Variants in DOCK10 observed in about 807,000 individuals in gnomAD.
The protein encoded by DOCK10 is dedicator of cytokinesis protein 10.
In DOCK10, 145 loss-of-function variants were observed where a neutral mutation model predicts 280.1. The ratio of observed to expected loss-of-function variants is 0.52; its 90% CI spans 0.45 to 0.59. The LOEUF (loss-of-function observed/expected upper bound fraction) is 0.59. Ranked by LOEUF, DOCK10 falls within the 20% of genes least tolerant of loss-of-function variation. The pLI is 0.00. For missense variants in DOCK10, 2,368 were observed against 2,651.7 expected (o/e 0.89, Z 2.35); for synonymous variants, 915 against 942.2 (o/e 0.97, Z 0.53).
intron 1 of DOCK10, among the ~76,000 whole-genome samples, chr2:224,933,560 T>A (rs1202814257): frequency 6.6e-6 from 1 of 152,174 alleles, no homozygotes; most frequent in African/African-American, 2.4e-5. Flanking sequence ...CTATTGAGTG[T>A]GTAGGTATCA....
At chr2:224,771,446 C>T (rs1313971600) in intron 53 of DOCK10, among the ~76,000 whole-genome samples, 1 of 152,248 alleles carries the variant, frequency 6.6e-6, no homozygotes, top group Non-Finnish European at 1.5e-5. Flanking sequence ...CAGTGTTTCA[C>T]TGGGTTCCAT....
chr2:224,796,537 A>G, intron 43 of DOCK10, 111 bp from the exon 44 acceptor site: 1 of 666,596 alleles, frequency 1.5e-6, no homozygotes, highest in Non-Finnish European at 2.6e-6. Flanking sequence ...AGGTCCAATA[A>G]AAGAAGTGTT....
At chr2:224,900,874 G>C (rs1355003526) in intron 3 of DOCK10, among the ~76,000 whole-genome samples, 1 of 152,158 alleles carries the variant, frequency 6.6e-6, no homozygotes, top group Non-Finnish European at 1.5e-5. Context: ...TAAAAATGAA[G>C]TATTTGAGAA....
At chr2:225,026,795 T>C (rs1013683925) in intron 1 of DOCK10, among the ~76,000 whole-genome samples, 1 of 152,116 alleles carries the variant, frequency 6.6e-6, no homozygotes, top group Admixed American at 6.5e-5. Context: ...GGTCTAAGAT[T>C]AGATCCCTTG....
intron 30 of DOCK10, among the ~76,000 whole-genome samples, chr2:224,814,692 T>G (rs1318698495): frequency 1.3e-5 from 2 of 152,186 alleles, no homozygotes; most frequent in East Asian, 1.9e-4. Flanking sequence ...TGGCTGATTT[T>G]TGTATTTTTA....
Position 224,864,964 on chromosome 2 carries a change from C to A in DOCK10, c.1381G>T (p.Ala461Ser). 1 of 1,613,902 alleles carries A rather than the reference C, an allele frequency of 6.2e-7. No homozygotes were observed. The highest frequency in any genetic ancestry group is 8.5e-7 in the Non-Finnish European group (1 of 1,179,852). ...VRQMLLGASV[A>S]LENGNIDTIT... ...GTGTCGATGTTGCCATTTTCCAAAG[C>A]CACAGAAGCCCCCAAGAGCATCTGT... is the stretch of plus-strand genomic sequence containing the variant. Residue 461 changes from alanine (A) to serine (S), a missense_variant, in exon 12 of 56, where the codon GCT (alanine) becomes TCT (serine). This residue lies in a region of DOCK10 where 1,209 missense variants were observed against 1,250.9 expected (regional missense o/e 0.97). Coordinates refer to ENST00000258390, the MANE Select transcript of DOCK10 (RefSeq NM_014689.3).
intron 48 of DOCK10, among the ~76,000 whole-genome samples, chr2:224,788,060 A>G (rs1229052564): frequency 6.6e-6 from 1 of 152,128 alleles, no homozygotes; most frequent in Admixed American, 6.5e-5. Flanking sequence ...TTTTATTTAC[A>G]TTCCATTCAT....
intron 11 of DOCK10, among the ~76,000 whole-genome samples, chr2:224,865,905 ACT>A (rs1161177566): frequency 2.7e-5 from 4 of 149,084 alleles, no homozygotes; most frequent in East Asian, 2.0e-4. Context: ...ATACACACAC[ACT>A]CTCTCTCTCT....
intron 1 of DOCK10, among the ~76,000 whole-genome samples, chr2:224,940,358 T>C (rs1356875018): frequency 1.3e-5 from 2 of 152,208 alleles, no homozygotes; most frequent in East Asian, 3.8e-4. Flanking sequence ...CTTGCAACTA[T>C]AGGAATCTAA....
chr2:224,987,518 C>T (rs1008015218), intron 1 of DOCK10, among the ~76,000 whole-genome samples: 3 of 152,160 alleles, frequency 2.0e-5, no homozygotes, highest in African/African-American at 7.2e-5. Context: ...TAGGTGTCAG[C>T]ACCTCAGTGG....
At chr2:224,861,186 T>G (rs1697474525) in intron 14 of DOCK10, 1 of 152,196 alleles carries the variant, frequency 6.6e-6, no homozygotes, top group African/African-American at 2.4e-5. Flanking sequence ...AAATACCATC[T>G]TTTTCATGCA....
chr2:224,845,920 C>T (rs1159858306), intron 19 of DOCK10, among the ~76,000 whole-genome samples: 1 of 152,080 alleles, frequency 6.6e-6, no homozygotes, highest in Non-Finnish European at 1.5e-5. Flanking sequence ...GACGGGGTTT[C>T]ACCATGTTGG....
intron 6 of DOCK10, 47 bp downstream of exon 6, chr2:224,886,016 G>A (rs760593356): frequency 6.2e-7 from 1 of 1,611,494 alleles, no homozygotes; most frequent in Non-Finnish European, 8.5e-7. Context: ...AGGAGGGAGT[G>A]TTAAGAAGGG....
intron 48 of DOCK10, 136 bp from the exon 49 acceptor site, chr2:224,787,533 GTGTCATCT>G: frequency 9.2e-7 from 1 of 1,086,452 alleles, no homozygotes; most frequent in Non-Finnish European, 1.3e-6. Flanking sequence ...GGGGATCGTG[GTGTCATCT>G]TGGATTCTTG....
intron 2 of DOCK10, among the ~76,000 whole-genome samples, chr2:224,918,891 G>A (rs1390271241): frequency 7.1e-6 from 1 of 141,040 alleles, no homozygotes; most frequent in South Asian, 2.5e-4. Context: ...TGTATGTGTG[G>A]TGTGAATGTG....
rs115028334 is a variant in DOCK10, at chr2:224,979,147, C to T, written c.124-47479G>A. ...CTATGGCCAGAGATCCTGTTACTTCCCTGCTTCAGGACCTCCCAGTTAGTG... is the reference window on the plus strand; with the variant it reads ...CTATGGCCAGAGATCCTGTTACTTCTCTGCTTCAGGACCTCCCAGTTAGTG... On this transcript the variant is annotated intron_variant, in intron 1 of 55. Coordinates refer to ENST00000258390, the MANE Select transcript of DOCK10 (RefSeq NM_014689.3). Among the ~76,000 whole-genome samples, 1,237 of 152,292 alleles carry T rather than the reference C, an allele frequency of 8.1e-3. 10 individuals are homozygous for T. The highest frequency in any genetic ancestry group is 0.028 in the African/African-American group (1,144 of 41,558).
rs775514083 is a variant in DOCK10 at position 224,797,136 on chromosome 2, G to A, written c.4655C>T (p.Ala1552Val). ...GAGGTCAGCAGGCCCTTGAAAGAAC[G>A]CTGAAGGAAACTGCAGAAATGGAAG... ...LRLFVCKFPS[A>V]FFQGPADLCG... The change falls in exon 43 of 56, where the codon GCG (alanine) becomes GTG (valine). Residue 1552 changes from alanine (A) to valine (V), a missense_variant. This residue lies in a region of DOCK10 where 1,159 missense variants were observed against 1,400.8 expected (regional missense o/e 0.83). Coordinates refer to ENST00000258390, the MANE Select transcript of DOCK10 (RefSeq NM_014689.3). 5 of 1,601,388 alleles carry A rather than the reference G, an allele frequency of 3.1e-6. No homozygotes were observed. The highest frequency in any genetic ancestry group is 8.5e-7 in the Non-Finnish European group (1 of 1,174,238).
intron 40 of DOCK10, among the ~76,000 whole-genome samples, chr2:224,800,938 G>C (rs568752324): frequency 6.6e-6 from 1 of 152,092 alleles, no homozygotes; most frequent in African/African-American, 2.4e-5. Flanking sequence ...CTGAAAGTGG[G>C]GGAGAGGGGC....
At position 224,856,925 on chromosome 2, in the gene DOCK10, C is replaced by A; in HGVS notation, c.1743G>T (p.Leu581Phe). ...AAATCTTGCTACTTTCTTGTCTAAA[C>A]AATGGTGAAAATCTTGAGTCTCTGT... ...NVDRDSRFSPLFRQESSKIST... is the reference protein window; with the variant it reads ...NVDRDSRFSPFFRQESSKIST... Residue 581 changes from leucine to phenylalanine, a missense_variant, in exon 15 of 56, where the codon TTG becomes TTT. Leu to Phe is a conservative substitution (Grantham distance 22). Coordinates refer to ENST00000258390, the MANE Select transcript of DOCK10 (RefSeq NM_014689.3). 6 of 1,612,400 alleles carry A rather than the reference C, an allele frequency of 3.7e-6. No individual in the cohort carries two copies. The highest frequency in any genetic ancestry group is 5.1e-6 in the Non-Finnish European group (6 of 1,178,868).
Sources: allele counts gnomAD v4.1 joint callset (sites outside exome capture counted in the v4.1 genomes callset), GRCh38; gene constraint gnomAD v4.1.1; regional missense constraint gnomAD v4.1.1; transcripts MANE v1.5; gene names NCBI Gene and HGNC (gene_info 2026-07-23, HGNC 2026-07-21).